The following SSBP2 variants were observed in gnomAD, a reference collection of about 807,000 sequenced individuals.
SSBP2 encodes the protein single stranded DNA binding protein 2.
Under a neutral mutation model 61.8 loss-of-function variants are expected in SSBP2, and 17 were observed. The observed-to-expected ratio is 0.28, with a 90% confidence interval of 0.19 to 0.41. The LOEUF is 0.41. Among genes scored for constraint, SSBP2 ranks in the 10% least tolerant of loss-of-function variants. The pLI is 1.00. For synonymous variants in SSBP2, 139 were observed against 141.3 expected, an observed-to-expected ratio of 0.98 and a Z score of 0.12; for missense variants, 310 against 458.7, an observed-to-expected ratio of 0.68 and a Z score of 2.96.
intron 1 of SSBP2, among the ~76,000 whole-genome samples, chr5:81,731,080 G>A (rs1756232483): frequency 6.6e-6 from 1 of 152,160 alleles, no homozygotes; most frequent in Non-Finnish European, 1.5e-5. Context: ...ATGAAAACAA[G>A]TGGGTTCCAA....
At chr5:81,723,046 ACT>A (rs1296527637) in intron 1 of SSBP2, among the ~76,000 whole-genome samples, 1 of 151,756 alleles carries the variant, frequency 6.6e-6, no homozygotes, top group Non-Finnish European at 1.5e-5. Flanking sequence ...AAAGCCAGAA[ACT>A]CTTATTCTTC....
chr5:81,733,220 G>A (rs1756380465), intron 1 of SSBP2, among the ~76,000 whole-genome samples: 1 of 151,868 alleles, frequency 6.6e-6, no homozygotes, highest in Admixed American at 6.6e-5. Context: ...AAATATGAAG[G>A]CTCCAACAAT....
chr5:81,431,646 G>A (rs559117389), intron 15 of SSBP2, among the ~76,000 whole-genome samples: 12 of 151,818 alleles, frequency 7.9e-5, no homozygotes, highest in Non-Finnish European at 1.6e-4. Flanking sequence ...ATACAGTGGT[G>A]AGATCACAGC....
intron 3 of SSBP2, among the ~76,000 whole-genome samples, chr5:81,633,160 G>C (rs1164778688): frequency 1.5e-5 from 2 of 129,392 alleles, no homozygotes; most frequent in African/African-American, 3.1e-5. Context: ...CTGTCACCTA[G>C]GCTGGAGTGC....
intron 3 of SSBP2, among the ~76,000 whole-genome samples, chr5:81,622,113 A>G (rs1348815005): frequency 6.7e-6 from 1 of 149,550 alleles, no homozygotes; most frequent in Non-Finnish European, 1.5e-5. Flanking sequence ...TAATAAAAAA[A>G]AAAAATTAAA....
chr5:81,656,787 T>C (rs1750253924), intron 1 of SSBP2, among the ~76,000 whole-genome samples: 1 of 151,356 alleles, frequency 6.6e-6, no homozygotes, highest in South Asian at 2.1e-4. Flanking sequence ...CACTAATGAA[T>C]GTAGCAAAAA....
chr5:81,468,424 T>C (rs1765035060), intron 8 of SSBP2, among the ~76,000 whole-genome samples: 1 of 152,008 alleles, frequency 6.6e-6, no homozygotes, highest in Non-Finnish European at 1.5e-5. Context: ...TCAGTCCTAC[T>C]CATGTCACTT....
intron 1 of SSBP2, among the ~76,000 whole-genome samples, chr5:81,661,556 T>C (rs901079428): frequency 9.2e-5 from 14 of 152,206 alleles, no homozygotes; most frequent in African/African-American, 2.9e-4. Context: ...AGGTGTCAAG[T>C]GATACCTCAT....
intron 4 of SSBP2, among the ~76,000 whole-genome samples, chr5:81,554,558 T>A (rs1397978431): frequency 6.6e-6 from 1 of 151,880 alleles, no homozygotes; most frequent in Non-Finnish European, 1.5e-5. Context: ...CATTCTCTAT[T>A]GAATTAATTT....
Position 81,665,671 on chromosome 5 carries a change from T to G in SSBP2, c.63-15332A>C, listed in dbSNP as rs115196798. Among the ~76,000 whole-genome samples the G allele has an allele frequency of 3.4e-3, 517 of 152,162 alleles. 1 individual carries two copies. Among genetic ancestry groups the G allele is most frequent in the Non-Finnish European group, 4.9e-3 (336 of 67,992 alleles). ...ACCATGTCTGGCTAATTTTTTATTATTATTAGTAGTAGTAGTAGAGACGGA... is the reference window on the plus strand; with the variant it reads ...ACCATGTCTGGCTAATTTTTTATTAGTATTAGTAGTAGTAGTAGAGACGGA... On this transcript the variant is annotated intron_variant, in intron 1 of 16. Coordinates refer to ENST00000320672, the MANE Select transcript of SSBP2 (RefSeq NM_012446.5).
intron 1 of SSBP2, among the ~76,000 whole-genome samples, chr5:81,713,691 T>C (rs760045342): frequency 1.3e-5 from 2 of 152,120 alleles, no homozygotes; most frequent in African/African-American, 2.4e-5. Flanking sequence ...TAGAACTTTT[T>C]TTAGAATGCA....
At chr5:81,540,753 C>CA (rs371747448) in intron 4 of SSBP2, among the ~76,000 whole-genome samples, 59 of 152,204 alleles carry the variant, frequency 3.9e-4, no homozygotes, top group Middle Eastern at 6.8e-3. Flanking sequence ...GTGTGTGACT[C>CA]AGTTTATGGC....
In SSBP2 at chr5:81,489,313, T is replaced by C; in HGVS notation, c.373-4A>G. The C allele has an allele frequency of 6.2e-7, 1 of 1,602,452 alleles. No homozygotes were observed. Among genetic ancestry groups the C allele is most frequent in the South Asian group, 1.1e-5 (1 of 88,562 alleles). ...GGTACCGAGGTGACATAAAAGGCTA[T>C]TGAAGTAAAACAAATAAACAAACAA... On this transcript the variant is annotated splice_region_variant and splice_polypyrimidine_tract_variant and intron_variant, in intron 5 of 16. Transcript: ENST00000320672.
At chr5:81,593,826 G>A (rs1478271802) in intron 4 of SSBP2, among the ~76,000 whole-genome samples, 1 of 152,140 alleles carries the variant, frequency 6.6e-6, no homozygotes, top group Admixed American at 6.5e-5. Context: ...TGCCCTAAAG[G>A]AACTCCTAAA....
At chr5:81,667,378 A>T (rs934968273) in intron 1 of SSBP2, among the ~76,000 whole-genome samples, 1 of 151,840 alleles carries the variant, frequency 6.6e-6, no homozygotes, top group Non-Finnish European at 1.5e-5. Context: ...GCAGGCAAAG[A>T]ACCATTGCTC....
At chr5:81,609,233 T>C (rs1455139154) in intron 4 of SSBP2, among the ~76,000 whole-genome samples, 1 of 152,196 alleles carries the variant, frequency 6.6e-6, no homozygotes, top group Non-Finnish European at 1.5e-5. Context: ...TAAGCACTGA[T>C]ACTGTGTTTG....
chr5:81,589,242 CAT>C (rs1305130670), intron 4 of SSBP2, among the ~76,000 whole-genome samples: 1 of 152,182 alleles, frequency 6.6e-6, no homozygotes, highest in African/African-American at 2.4e-5. Flanking sequence ...GGTTAAAAGA[CAT>C]ATTTTGAGAT....
At chr5:81,667,591 T>A (rs1751251558) in intron 1 of SSBP2, among the ~76,000 whole-genome samples, 1 of 152,034 alleles carries the variant, frequency 6.6e-6, no homozygotes, top group Non-Finnish European at 1.5e-5. Flanking sequence ...ATAGCCAGAC[T>A]AATGTGGCTA....
intron 5 of SSBP2, among the ~76,000 whole-genome samples, chr5:81,511,309 G>A (rs1169299279): frequency 1.9e-4 from 29 of 151,966 alleles, no homozygotes; most frequent in Admixed American, 1.9e-3. Flanking sequence ...ACATTGTAGG[G>A]CTTCTCGAGG....
Sources: allele counts gnomAD v4.1 joint callset (sites outside exome capture counted in the v4.1 genomes callset), GRCh38; gene constraint gnomAD v4.1.1; transcripts MANE v1.5; gene names NCBI Gene and HGNC (gene_info 2026-07-23, HGNC 2026-07-21).